OR2A25: variants seen among roughly 807,000 people sequenced by gnomAD.
OR2A25 encodes the protein olfactory receptor 2A25.
For synonymous variants in OR2A25, 162 were observed against 148.1 expected (o/e 1.09, Z -0.68); for missense variants, 362 against 368.3 (o/e 0.98, Z 0.14).
chr7:144,075,188 G>A lies in OR2A25; in HGVS notation c.*36G>A, dbSNP rs767621608. 2.0e-6 allele frequency: 3 copies of A among 1,471,456 alleles called. No individual in the cohort carries two copies. Among genetic ancestry groups the A allele is most frequent in the Non-Finnish European group, 2.8e-6 (3 of 1,068,892 alleles). The allele number at this position is 1,471,456 out of a possible 1,614,324, so 91.1% of individuals were successfully genotyped here. A position where few individuals can be genotyped will look rare whatever the true frequency, so the allele number is the denominator to read the frequency against. ...GAATAGTAAAATAGCTGGCTTCAAA[G>A]GGCTTTGAGATTACATCTGAACCCA... is the stretch of plus-strand genomic sequence containing the variant. On this transcript the variant is annotated 3_prime_UTR_variant, in exon 2 of 2. Transcript: ENST00000641663.
chr7:144,074,065 G>A (rs1367721984), intron 1 of OR2A25, 151 bp from the exon 2 acceptor site: 8 of 672,804 alleles, frequency 1.2e-5, no homozygotes, highest in Non-Finnish European at 1.3e-5. Flanking sequence ...CATTTGTAAT[G>A]CATAATTTTC....
At chr7:144,071,058 C>T (rs1020305458) in intron 1 of OR2A25, among the ~76,000 whole-genome samples, 4 of 151,940 alleles carry the variant, frequency 2.6e-5, no homozygotes, top group Non-Finnish European at 5.9e-5. Flanking sequence ...TTTAAAATTA[C>T]AATGAAGTTA....
rs769379791 is a variant in OR2A25, at chr7:144,075,166, T to A, written c.*14T>A. On this transcript the variant is annotated 3_prime_UTR_variant, in exon 2 of 2. Transcript: ENST00000641663. ...AGAACTTCATGAAAGCCTGAAAGAA[T>A]AGTAAAATAGCTGGCTTCAAAGGGC... The A allele has an allele frequency of 1.3e-6, 2 of 1,578,006 alleles. No homozygotes were observed. The highest frequency in any genetic ancestry group is 1.7e-4 in the Middle Eastern group (1 of 5,890).
intron 1 of OR2A25, among the ~76,000 whole-genome samples, chr7:144,073,460 T>C (rs1456525325): frequency 2.0e-5 from 3 of 151,728 alleles, no homozygotes; most frequent in South Asian, 2.1e-4. Flanking sequence ...ACATTTATAG[T>C]ATAAGAAGTA....
chr7:144,074,996 T>C lies in OR2A25; in HGVS notation c.777T>C (p.Val259=). 1.2e-6 allele frequency: 2 copies of C among 1,614,182 alleles called. No individual in the cohort carries two copies. Among genetic ancestry groups the C allele is most frequent in the Non-Finnish European group, 1.7e-6 (2 of 1,180,034 alleles). The change falls in exon 2 of 2, where the codon GTT becomes GTC. Residue 259 remains valine, a synonymous_variant. Coordinates refer to ENST00000641663, the MANE Select transcript of OR2A25 (RefSeq NM_001386096.1). ...ATGGCACAGCCATCATCATGTATGTTGAGCCCCAGTATGAGAGCCCCAAGG... is the reference window on the plus strand; with the variant it reads ...ATGGCACAGCCATCATCATGTATGTCGAGCCCCAGTATGAGAGCCCCAAGG... ...LFYGTAIIMY[V]EPQYESPKEQ...
chr7:144,072,373 C>T (rs950691321), intron 1 of OR2A25, among the ~76,000 whole-genome samples: 1 of 151,834 alleles, frequency 6.6e-6, no homozygotes, highest in African/African-American at 2.4e-5. Context: ...TAAAGAGTCA[C>T]CATAAATAAT....
In OR2A25 at chr7:144,070,884, A is replaced by G. The variant is rs149545416; in HGVS notation, c.-5+988A>G. Among the ~76,000 whole-genome samples, 483 of 152,070 alleles carry G rather than the reference A, an allele frequency of 3.2e-3. 2 individuals are homozygous for G. Among genetic ancestry groups the G allele is most frequent in the Middle Eastern group, 0.014 (4 of 294 alleles). ...TTTATGGGGTATATGAGATGTTTTGATACAGGCACGCAATGTGAAATAAGC... is the reference window on the plus strand; with the variant it reads ...TTTATGGGGTATATGAGATGTTTTGGTACAGGCACGCAATGTGAAATAAGC... On this transcript the variant is annotated intron_variant, in intron 1 of 1. Coordinates refer to ENST00000641663, the MANE Select transcript of OR2A25 (RefSeq NM_001386096.1).
chr7:144,073,729 T>C lies in OR2A25; in HGVS notation c.-4-487T>C, dbSNP rs149858214. Among the ~76,000 whole-genome samples the C allele has an allele frequency of 2.4e-4, 36 of 152,290 alleles. No individual in the cohort carries two copies. The East Asian group carries it at 5.8e-3, about 24-fold the overall frequency. On this transcript the variant is annotated intron_variant, in intron 1 of 1. Transcript: ENST00000641663. ...AATCACAAGTTTAAAAAATAATTCA[T>C]AAAACAAAGGCACAAATTGGTGAGA...
intron 1 of OR2A25, among the ~76,000 whole-genome samples, chr7:144,073,622 C>A (rs2051083891): frequency 6.6e-6 from 1 of 152,260 alleles, no homozygotes; most frequent in Non-Finnish European, 1.5e-5. Context: ...AGTCAAGACA[C>A]AAAGATCTCT....
chr7:144,074,372 C>T lies in OR2A25; in HGVS notation c.153C>T (p.Asp51=), dbSNP rs1336367020. The part of the protein sequence containing the change: ...NGTILGLISL[D]SRLHTPMYFF... The stretch of plus-strand genomic sequence containing the variant: ...CAATCCTGGGGCTCATCTCACTGGA[C>T]TCCAGACTCCACACCCCCATGTACT... The change falls in exon 2 of 2, where the codon GAC becomes GAT. Residue 51 remains aspartate (D), a synonymous_variant. Coordinates refer to ENST00000641663, the MANE Select transcript of OR2A25 (RefSeq NM_001386096.1). 6.2e-7 allele frequency: 1 copy of T among 1,614,110 alleles called. No individual in the cohort carries two copies. Among genetic ancestry groups the T allele is most frequent in the South Asian group, 1.1e-5 (1 of 91,082 alleles).
At chr7:144,072,677 T>G (rs2051075696) in intron 1 of OR2A25, among the ~76,000 whole-genome samples, 1 of 152,116 alleles carries the variant, frequency 6.6e-6, no homozygotes, top group Non-Finnish European at 1.5e-5. Flanking sequence ...TGTAGGAATA[T>G]AGCAGAATTT....
rs1377024388 is a variant in OR2A25 at position 144,075,032 on chromosome 7, A to G, written c.813A>G (p.Lys271=). 6.2e-7 allele frequency: 1 copy of G among 1,614,170 alleles called. No individual in the cohort carries two copies. Among genetic ancestry groups the G allele is most frequent in the Non-Finnish European group, 8.5e-7 (1 of 1,180,018 alleles). Reference sequence around the variant, plus strand: ...ATGAGAGCCCCAAGGAGCAGAAGAAATATCTCCTGCTGTTTCACAGCCTCT... The same window carrying G: ...ATGAGAGCCCCAAGGAGCAGAAGAAGTATCTCCTGCTGTTTCACAGCCTCT... ...PQYESPKEQK[K]YLLLFHSLFN... The change falls in exon 2 of 2, where the codon AAA becomes AAG. Residue 271 remains lysine, a synonymous_variant. Coordinates refer to ENST00000641663, the MANE Select transcript of OR2A25 (RefSeq NM_001386096.1).
intron 1 of OR2A25, among the ~76,000 whole-genome samples, chr7:144,073,497 T>C (rs1259708947): frequency 6.6e-6 from 1 of 151,978 alleles, no homozygotes; most frequent in Non-Finnish European, 1.5e-5. Context: ...GATTACTGTA[T>C]GATGAAATGT....
Position 144,074,720 on chromosome 7 carries a change from C to T in OR2A25, c.501C>T (p.Phe167=). 6.2e-7 allele frequency: 1 copy of T among 1,614,194 alleles called. No homozygotes were observed. Among genetic ancestry groups the T allele is most frequent in the East Asian group, 2.2e-5 (1 of 44,878 alleles). ...TAGTGTTACTGCTACCACTGTCCTT[C>T]TGTGGACCCCAGAAACTTAATCACT... ...VHLVLLLPLS[F]CGPQKLNHFF... The change falls in exon 2 of 2, where the codon TTC becomes TTT. Residue 167 remains phenylalanine (F), a synonymous_variant. Coordinates refer to ENST00000641663, the MANE Select transcript of OR2A25 (RefSeq NM_001386096.1).
rs781005878 is a variant in OR2A25, at chr7:144,074,639, C to A, written c.420C>A (p.Cys140Ter). The A allele has an allele frequency of 6.2e-7, 1 of 1,614,250 alleles. No homozygotes were observed. The highest frequency in any genetic ancestry group is 8.5e-7 in the Non-Finnish European group (1 of 1,180,056). ...RYSTIMTWKV[C>*]ITLALTSWIL... ...CTACCATCATGACCTGGAAAGTCTGCATCACTTTGGCATTGACTTCCTGGA... is the reference window on the plus strand; with the variant it reads ...CTACCATCATGACCTGGAAAGTCTGAATCACTTTGGCATTGACTTCCTGGA... The change falls in exon 2 of 2, where the codon TGC becomes TGA. Residue 140 changes from cysteine (C) to a stop codon, truncating the protein, a stop_gained. Coordinates refer to ENST00000641663, the MANE Select transcript of OR2A25 (RefSeq NM_001386096.1). LOFTEE classifies it low-confidence loss of function (END_TRUNC).
rs775130687 is a variant in OR2A25 at position 144,075,082 on chromosome 7, T to C, written c.863T>C (p.Ile288Thr). The C allele has an allele frequency of 1.9e-6, 3 of 1,614,060 alleles. No individual in the cohort carries two copies. Among genetic ancestry groups the C allele is most frequent in the South Asian group, 2.2e-5 (2 of 91,078 alleles). The change falls in exon 2 of 2, where the codon ATT becomes ACT. Residue 288 changes from isoleucine (I) to threonine (T), a missense_variant. Physicochemically the swap from Ile to Thr is moderately conservative, Grantham distance 89 (BLOSUM62 -1). Transcript: ENST00000641663. ...SLFNPMLNPLIYSLRNKEVQG... is the reference protein window; with the variant it reads ...SLFNPMLNPLTYSLRNKEVQG... The stretch of plus-strand genomic sequence containing the variant: ...TTCAATCCCATGCTTAATCCCCTAA[T>C]TTATAGTCTTAGGAACAAGGAAGTC...
chr7:144,070,195 A>T (rs550651780), intron 1 of OR2A25: 1 of 152,222 alleles, frequency 6.6e-6, no homozygotes, highest in South Asian at 2.1e-4. Context: ...GGCATGGTTG[A>T]TCTAAGCAGA....
rs1012371986 is a variant in OR2A25 at position 144,074,112 on chromosome 7, G to C, written c.-4-104G>C. ...GACTAAGATCAAAATATAATTGAAG[G>C]TGTTTTCTTAGAAAACACTCAAACA... On this transcript the variant is annotated intron_variant, in intron 1 of 1. Coordinates refer to ENST00000641663, the MANE Select transcript of OR2A25 (RefSeq NM_001386096.1). 8 of 995,764 alleles carry C rather than the reference G, an allele frequency of 8.0e-6. No individual in the cohort carries two copies. In the South Asian group the frequency reaches 1.3e-4, roughly 16 times the overall value. 61.7% of individuals were successfully genotyped at this position (995,764 alleles called of 1,614,324 possible).
intron 1 of OR2A25, among the ~76,000 whole-genome samples, chr7:144,070,113 G>A (rs1250353972): frequency 6.6e-6 from 1 of 152,070 alleles, no homozygotes; most frequent in Non-Finnish European, 1.5e-5. Flanking sequence ...TTTTCCCTAG[G>A]ACAGGAGCAG....
Sources: gnomAD v4.1 joint callset for allele counts (sites outside exome capture counted in the v4.1 genomes callset) on GRCh38, gnomAD v4.1.1 for gene constraint, MANE v1.5 for transcripts, NCBI Gene and HGNC (gene_info 2026-07-23, HGNC 2026-07-21) for gene names.